Variants in CTNNA3 observed in about 807,000 individuals in gnomAD.
The protein encoded by CTNNA3 is catenin alpha-3.
CTNNA3 carries 76 observed loss-of-function variants against 95.7 expected under a neutral mutation model. The observed-to-expected ratio is 0.79, with a 90% CI of 0.66 to 0.96. CTNNA3 has a LOEUF of 0.96. CTNNA3 is among the 40% of genes least tolerant of loss of function. The pLI, the probability that CTNNA3 is intolerant of heterozygous loss-of-function variation, is 0.00. For synonymous variants in CTNNA3, 431 were observed against 374.4 expected (o/e 1.15, Z -1.74); for missense variants, 1,191 against 1,089.8 (o/e 1.09, Z -1.31).
chr10:66,426,702 C>G (rs565204176), intron 11 of CTNNA3, among the ~76,000 whole-genome samples: 1 of 151,640 alleles, frequency 6.6e-6, no homozygotes, highest in South Asian at 2.1e-4. Context: ...CATGATATAA[C>G]CAGTTAAGGA....
At chr10:66,797,328 A>G (rs1841241738) in intron 7 of CTNNA3, among the ~76,000 whole-genome samples, 1 of 151,430 alleles carries the variant, frequency 6.6e-6, no homozygotes, top group African/African-American at 2.4e-5. Context: ...TATGGTTCCC[A>G]GGATGGCAAT....
chr10:66,299,799 G>T (rs535021934), intron 12 of CTNNA3, among the ~76,000 whole-genome samples: 12 of 152,028 alleles, frequency 7.9e-5, no homozygotes, highest in Non-Finnish European at 1.5e-4. Context: ...TTACTAAAAG[G>T]CCCACAGTAA....
At chr10:67,332,558 G>A (rs2620926) in intron 5 of CTNNA3, among the ~76,000 whole-genome samples, 107,092 of 152,000 alleles carry the variant, frequency 0.7, 42,247 homozygotes, top group Non-Finnish European at 0.88. Flanking sequence ...CCCATTTTTT[G>A]AGAAATGTTG....
chr10:66,848,129 A>T (rs1843347649), intron 7 of CTNNA3, among the ~76,000 whole-genome samples: 1 of 152,196 alleles, frequency 6.6e-6, no homozygotes. Flanking sequence ...TAGGGTAGAT[A>T]TATTTAAAAG....
intron 5 of CTNNA3, among the ~76,000 whole-genome samples, chr10:67,328,533 T>A (rs1841646134): frequency 6.6e-6 from 1 of 152,214 alleles, no homozygotes; most frequent in Non-Finnish European, 1.5e-5. Context: ...GTGTCCATAG[T>A]GGTCAAGGGG....
At chr10:66,793,728 C>T (rs557560943) in intron 7 of CTNNA3, among the ~76,000 whole-genome samples, 17 of 151,984 alleles carry the variant, frequency 1.1e-4, no homozygotes, top group Non-Finnish European at 2.1e-4. Context: ...TATTTTTAAA[C>T]ATTTTATTGT....
chr10:67,110,201 A>C (rs1858849169), intron 7 of CTNNA3, among the ~76,000 whole-genome samples: 1 of 152,208 alleles, frequency 6.6e-6, no homozygotes, highest in Non-Finnish European at 1.5e-5. Context: ...AAACACCCTT[A>C]ATGTGAATGT....
At chr10:67,080,631 C>T (rs1431166022) in intron 7 of CTNNA3, among the ~76,000 whole-genome samples, 2 of 152,062 alleles carry the variant, frequency 1.3e-5, no homozygotes, top group Non-Finnish European at 2.9e-5. Context: ...AAGTAACGGC[C>T]GGGCATGGTG....
At chr10:66,348,415 C>T (rs530456544) in intron 12 of CTNNA3, among the ~76,000 whole-genome samples, 14 of 152,086 alleles carry the variant, frequency 9.2e-5, no homozygotes, top group African/African-American at 3.1e-4. Context: ...CATATTATTC[C>T]ATGTACTGCA....
intron 5 of CTNNA3, among the ~76,000 whole-genome samples, chr10:67,377,712 G>C (rs918149852): frequency 6.6e-6 from 1 of 152,048 alleles, no homozygotes; most frequent in Non-Finnish European, 1.5e-5. Flanking sequence ...ATAATGTATG[G>C]TGATCAGAGC....
intron 7 of CTNNA3, among the ~76,000 whole-genome samples, chr10:67,144,190 G>A (rs1466166349): frequency 6.6e-6 from 1 of 152,150 alleles, no homozygotes; most frequent in Non-Finnish European, 1.5e-5. Context: ...TTTCAACGTT[G>A]GGTTTAAAAT....
At chr10:66,823,123 G>A (rs192726603) in intron 7 of CTNNA3, among the ~76,000 whole-genome samples, 2 of 152,200 alleles carry the variant, frequency 1.3e-5, no homozygotes, top group African/African-American at 2.4e-5. Context: ...TCCAACTAAT[G>A]CAGAACTGTG....
chr10:66,622,773 C>T (rs1049266775), intron 9 of CTNNA3, among the ~76,000 whole-genome samples: 11 of 152,160 alleles, frequency 7.2e-5, no homozygotes, highest in South Asian at 2.1e-4. Flanking sequence ...GGAGAAACTA[C>T]GCATTAGCCA....
intron 13 of CTNNA3, among the ~76,000 whole-genome samples, chr10:66,152,054 T>G (rs2084230797): frequency 6.6e-6 from 1 of 152,002 alleles, no homozygotes; most frequent in African/African-American, 2.4e-5. Flanking sequence ...TCTATGCTTA[T>G]TCTTGTTTAT....
intron 7 of CTNNA3, among the ~76,000 whole-genome samples, chr10:67,170,859 C>T (rs1358718048): frequency 1.3e-5 from 2 of 152,064 alleles, no homozygotes; most frequent in African/African-American, 2.4e-5. Flanking sequence ...GGCCACATGT[C>T]GCTATTGAAC....
chr10:67,087,361 C>A (rs915937344), intron 7 of CTNNA3, among the ~76,000 whole-genome samples: 3 of 151,920 alleles, frequency 2.0e-5, no homozygotes, highest in Non-Finnish European at 4.4e-5. Flanking sequence ...TTGAAAAACA[C>A]AGATATTGTG....
chr10:65,962,199 A>T (rs535723621), intron 17 of CTNNA3, among the ~76,000 whole-genome samples: 1 of 152,066 alleles, frequency 6.6e-6, no homozygotes, highest in South Asian at 2.1e-4. Flanking sequence ...CTTCTCTTTC[A>T]TACCTCTTTC....
intron 3 of CTNNA3, among the ~76,000 whole-genome samples, chr10:67,596,932 T>A (rs1055079193): frequency 2.6e-5 from 4 of 152,244 alleles, no homozygotes; most frequent in African/African-American, 9.6e-5. Context: ...CTTTACATAA[T>A]CCCATATTTC....
chr10:66,106,900 A>C (rs1337064717), intron 13 of CTNNA3, among the ~76,000 whole-genome samples: 1 of 149,166 alleles, frequency 6.7e-6, no homozygotes, highest in Admixed American at 6.8e-5. Context: ...GACATGGTAC[A>C]TTTACTAGTT....
Sources: allele counts gnomAD v4.1 joint callset (sites outside exome capture counted in the v4.1 genomes callset), GRCh38; gene constraint gnomAD v4.1.1; transcripts MANE v1.5; gene names NCBI Gene and HGNC (gene_info 2026-07-23, HGNC 2026-07-21).